NRXN1: variants seen among roughly 807,000 people sequenced by gnomAD.
NRXN1 encodes neurexin-1.
In NRXN1, 39 loss-of-function variants were observed where a neutral mutation model predicts 150.9. The observed-to-expected ratio is 0.26, with a 90% CI of 0.20 to 0.34. The LOEUF (loss-of-function observed/expected upper bound fraction) is 0.34. NRXN1 is among the 10% of genes least tolerant of loss of function. NRXN1 has a pLI of 1.00. For missense variants in NRXN1, 1,815 were observed against 1,949.9 expected, an observed-to-expected ratio of 0.93 and a Z score of 1.30; for synonymous variants, 924 against 757.0, an observed-to-expected ratio of 1.22 and a Z score of -3.62.
chr2:50,037,874 A>G (rs927590699), intron 21 of NRXN1, among the ~76,000 whole-genome samples: 1 of 152,228 alleles, frequency 6.6e-6, no homozygotes, highest in Non-Finnish European at 1.5e-5. Context: ...AGAATTCAGA[A>G]ACACTGACTC....
intron 2 of NRXN1, among the ~76,000 whole-genome samples, chr2:51,018,987 C>T (rs1011995596): frequency 6.6e-6 from 1 of 151,978 alleles, no homozygotes; most frequent in African/African-American, 2.4e-5. Flanking sequence ...CAAGCTATTC[C>T]ATTTTCTTTA....
At position 50,715,553 on chromosome 2, in the gene NRXN1, A is replaced by G. The variant is rs114384029; in HGVS notation, c.833-91938T>C. 1.9e-3 allele frequency among the ~76,000 whole-genome samples: 286 copies of G among 152,350 alleles called. 1 individual carries two copies. The highest frequency in any genetic ancestry group is 2.6e-3 in the Non-Finnish European group (176 of 68,026). On this transcript the variant is annotated intron_variant, in intron 5 of 22. Transcript: ENST00000401669. ...ATGCCGTCTATTTCTGGAAATTTAA[A>G]TAACTTGTGTAAGTTTTTGTCTCCA...
At chr2:50,810,532 T>C (rs1668072778) in intron 5 of NRXN1, among the ~76,000 whole-genome samples, 1 of 152,124 alleles carries the variant, frequency 6.6e-6, no homozygotes, top group African/African-American at 2.4e-5. Context: ...TCTTATAACA[T>C]AAACAAGCCT....
intron 9 of NRXN1, among the ~76,000 whole-genome samples, chr2:50,545,332 T>C (rs1340410456): frequency 6.6e-6 from 1 of 152,198 alleles, no homozygotes; most frequent in Non-Finnish European, 1.5e-5. Context: ...TAAATATCAA[T>C]CAAATAACAT....
intron 17 of NRXN1, among the ~76,000 whole-genome samples, chr2:50,327,405 G>C (rs1042086547): frequency 1.1e-4 from 16 of 152,166 alleles, no homozygotes; most frequent in African/African-American, 3.9e-4. Flanking sequence ...CGTAGCTTGA[G>C]AGTCACTTCC....
intron 5 of NRXN1, among the ~76,000 whole-genome samples, chr2:50,765,402 A>T (rs1004914614): frequency 6.6e-6 from 1 of 152,074 alleles, no homozygotes; most frequent in Non-Finnish European, 1.5e-5. Context: ...CCTACAAAAG[A>T]AAAAAGATCA....
At chr2:50,540,674 T>C (rs1319597234) in intron 9 of NRXN1, among the ~76,000 whole-genome samples, 1 of 152,038 alleles carries the variant, frequency 6.6e-6, no homozygotes, top group Non-Finnish European at 1.5e-5. Context: ...TTTTTTTTTT[T>C]CTTTCTGAGA....
chr2:50,724,569 T>C (rs953432013), intron 5 of NRXN1, among the ~76,000 whole-genome samples: 24 of 152,144 alleles, frequency 1.6e-4, no homozygotes, highest in Admixed American at 1.6e-3. Context: ...TAGAAAAAGA[T>C]ATTAATCACG....
chr2:50,581,289 A>T (rs1379733689), intron 8 of NRXN1, among the ~76,000 whole-genome samples: 3 of 152,216 alleles, frequency 2.0e-5, no homozygotes, highest in African/African-American at 7.2e-5. Context: ...TACAGTTTTC[A>T]GGTTAATGTG....
chr2:50,237,007 C>T, intron 17 of NRXN1, 37 bp from the exon 18 acceptor site: 1 of 1,601,028 alleles, frequency 6.2e-7, no homozygotes, highest in Non-Finnish European at 8.6e-7. Context: ...AGTCCAAATA[C>T]ATCAAGTCTG....
At chr2:50,780,296 T>C (rs892507646) in intron 5 of NRXN1, among the ~76,000 whole-genome samples, 11 of 152,188 alleles carry the variant, frequency 7.2e-5, no homozygotes, top group Admixed American at 7.2e-4. Context: ...TCTATACAGA[T>C]TGCTTTGTAA....
intron 5 of NRXN1, chr2:50,918,578 T>C (rs1213617311): frequency 5.9e-5 from 22 of 373,872 alleles, no homozygotes; most frequent in Non-Finnish European, 1.4e-5. Flanking sequence ...TTGATTTTCA[T>C]GTATAACATA....
At chr2:50,701,423 G>C (rs763988276) in intron 5 of NRXN1, among the ~76,000 whole-genome samples, 1 of 152,148 alleles carries the variant, frequency 6.6e-6, no homozygotes, top group East Asian at 1.9e-4. Flanking sequence ...CAGAAGGCTA[G>C]CAAGTCTTAC....
chr2:50,419,034 C>A (rs938562969), intron 17 of NRXN1, among the ~76,000 whole-genome samples: 3 of 151,818 alleles, frequency 2.0e-5, no homozygotes, highest in African/African-American at 7.2e-5. Flanking sequence ...TAAGTGAAGA[C>A]AAAATACACA....
intron 17 of NRXN1, among the ~76,000 whole-genome samples, chr2:50,395,727 A>G (rs1174604132): frequency 6.6e-6 from 1 of 152,190 alleles, no homozygotes; most frequent in African/African-American, 2.4e-5. Flanking sequence ...TGACAACTCC[A>G]TGAGGTATAA....
chr2:50,360,954 G>C (rs762165397), intron 17 of NRXN1, among the ~76,000 whole-genome samples: 1 of 152,132 alleles, frequency 6.6e-6, no homozygotes, highest in Non-Finnish European at 1.5e-5. Flanking sequence ...TCAGCATTAA[G>C]AAACTCACTC....
rs927558285 is a variant in NRXN1 at position 49,973,869 on chromosome 2, T to G, written c.4129-30078A>C. The stretch of plus-strand genomic sequence containing the variant: ...TTAGTTTATCCAAATGAGTTTATTC[T>G]TATTTTCATTATTATTGTTTTTAGG... On this transcript the variant is annotated intron_variant, in intron 21 of 22. Transcript: ENST00000401669. 4.8e-6 allele frequency: 3 copies of G among 618,698 alleles called. No individual in the cohort carries two copies. In the East Asian group the frequency reaches 8.3e-5, roughly 17 times the overall value. The allele number at this position is 618,698 out of a possible 1,614,324, so 38.3% of individuals were successfully genotyped here.
intron 19 of NRXN1, among the ~76,000 whole-genome samples, chr2:50,072,972 G>A (rs893185269): frequency 2.6e-5 from 4 of 152,030 alleles, no homozygotes; most frequent in African/African-American, 9.7e-5. Context: ...AATATTTTTG[G>A]CCTGCTTTTT....
At chr2:50,188,217 C>T (rs540601797) in intron 18 of NRXN1, among the ~76,000 whole-genome samples, 18 of 152,168 alleles carry the variant, frequency 1.2e-4, no homozygotes, top group African/African-American at 4.3e-4. Context: ...GAAATAACAC[C>T]GCACATCTAC....
Sources: gnomAD v4.1 joint callset for allele counts (sites outside exome capture counted in the v4.1 genomes callset) on GRCh38, gnomAD v4.1.1 for gene constraint, MANE v1.5 for transcripts, NCBI Gene and HGNC (gene_info 2026-07-23, HGNC 2026-07-21) for gene names.